The following UNC5D variants were observed in gnomAD, a reference collection of about 807,000 sequenced individuals.
UNC5D encodes netrin receptor UNC5D.
Under a neutral mutation model 105.4 loss-of-function variants are expected in UNC5D, and 39 were observed. That is an observed-to-expected ratio of 0.37 (90% CI 0.29 to 0.48). UNC5D has a LOEUF of 0.48. Ranked by LOEUF, UNC5D falls within the 20% of genes least tolerant of loss-of-function variation. UNC5D has a pLI of 0.98. For missense variants in UNC5D, 991 were observed against 1,202.4 expected, an observed-to-expected ratio of 0.82 and a Z score of 2.60; for synonymous variants, 452 against 450.4, an observed-to-expected ratio of 1.00 and a Z score of -0.04.
intron 2 of UNC5D, among the ~76,000 whole-genome samples, chr8:35,554,240 G>A (rs6989128): frequency 0.23 from 34,648 of 152,122 alleles, 6,077 homozygotes; most frequent in African/African-American, 0.48. Flanking sequence ...AATAAGAAAA[G>A]AGATTGTGTG....
rs117186567 is a variant in UNC5D at position 35,355,098 on chromosome 8, A to G, written c.103+119211A>G. On this transcript the variant is annotated intron_variant, in intron 1 of 16. Coordinates refer to ENST00000404895, the MANE Select transcript of UNC5D (RefSeq NM_080872.4). ...TCCCTTTCTCCATATTCTATTGGTT[A>G]GTGCAGTTACAGAGTCTACCCAGAT... Among the ~76,000 whole-genome samples, 39 of 152,270 alleles carry G rather than the reference A, an allele frequency of 2.6e-4. No homozygotes were observed. In the East Asian group the frequency reaches 5.8e-3, roughly 23 times the overall value.
At chr8:35,533,399 C>T (rs1336374691) in intron 1 of UNC5D, among the ~76,000 whole-genome samples, 3 of 152,042 alleles carry the variant, frequency 2.0e-5, no homozygotes, top group East Asian at 1.9e-4. Flanking sequence ...AGGCAGTCTG[C>T]CAGTTCTCAG....
At chr8:35,689,085 G>C (rs1586441207) in intron 7 of UNC5D, among the ~76,000 whole-genome samples, 1 of 152,164 alleles carries the variant, frequency 6.6e-6, no homozygotes, top group Non-Finnish European at 1.5e-5. Context: ...TTGGCTACTG[G>C]TTGAAATTTT....
chr8:35,640,919 C>T (rs988972600), intron 4 of UNC5D, among the ~76,000 whole-genome samples: 1 of 151,958 alleles, frequency 6.6e-6, no homozygotes, highest in African/African-American at 2.4e-5. Flanking sequence ...TCCTCTTCCT[C>T]CTCCTCTCCT....
At chr8:35,656,755 T>A (rs1398361646) in intron 4 of UNC5D, among the ~76,000 whole-genome samples, 4 of 152,080 alleles carry the variant, frequency 2.6e-5, no homozygotes, top group Non-Finnish European at 5.9e-5. Flanking sequence ...GTGTAAAGTA[T>A]CTACTCTAGG....
chr8:35,767,082 A>C lies in UNC5D; in HGVS notation c.2478+16A>C. 6.3e-7 allele frequency: 1 copy of C among 1,597,232 alleles called. No individual in the cohort carries two copies. Among genetic ancestry groups the C allele is most frequent in the Non-Finnish European group, 8.5e-7 (1 of 1,169,774 alleles). ...AATCCTAGAGGTGAGTCCTTGATCT[A>C]CAGGTCATTTGACCCCCTTTCTGAA... On this transcript the variant is annotated intron_variant, in intron 15 of 16. Coordinates refer to ENST00000404895, the MANE Select transcript of UNC5D (RefSeq NM_080872.4).
intron 1 of UNC5D, among the ~76,000 whole-genome samples, chr8:35,393,125 CTTTTTTT>C (rs34886215): frequency 1.3e-5 from 1 of 75,098 alleles, no homozygotes; most frequent in Non-Finnish European, 2.6e-5. Flanking sequence ...CCTATTCCTA[CTTTTTTT>C]TTTTTTTTTT....
intron 1 of UNC5D, among the ~76,000 whole-genome samples, chr8:35,402,584 T>G (rs999686647): frequency 1.3e-5 from 2 of 152,158 alleles, no homozygotes; most frequent in African/African-American, 2.4e-5. Flanking sequence ...AATGTCCACA[T>G]AATCCATGTT....
intron 1 of UNC5D, among the ~76,000 whole-genome samples, chr8:35,402,760 T>A (rs1563382710): frequency 6.6e-6 from 1 of 152,168 alleles, no homozygotes; most frequent in Non-Finnish European, 1.5e-5. Context: ...CCATCCTTAC[T>A]AACCTTAGCA....
At chr8:35,376,554 G>A (rs2128928893) in intron 1 of UNC5D, among the ~76,000 whole-genome samples, 1 of 152,266 alleles carries the variant, frequency 6.6e-6, no homozygotes, top group East Asian at 1.9e-4. Flanking sequence ...GAATGGAGGA[G>A]CAGATGCCTT....
rs57660135 is a variant in UNC5D at position 35,719,141 on chromosome 8, TACACACACACACACAC to T, written c.1118-3038_1118-3023del. On this transcript the variant is annotated intron_variant, in intron 8 of 16. Coordinates refer to ENST00000404895, the MANE Select transcript of UNC5D (RefSeq NM_080872.4). The stretch of plus-strand genomic sequence containing the variant: ...CACTGCTTACATGCACATGTGCTTA[TACACACACACACACAC>T]ACACACACACACACACACACACACA... 7.5e-3 allele frequency among the ~76,000 whole-genome samples: 1,003 copies of T among 133,168 alleles called. 5 individuals carry two copies. The highest frequency in any genetic ancestry group is 0.025 in the African/African-American group (905 of 36,718). The allele number at this position is 133,168 out of a possible 152,430, so 87.4% of individuals were successfully genotyped here.
At chr8:35,460,111 G>T (rs189505158) in intron 1 of UNC5D, among the ~76,000 whole-genome samples, 1 of 152,100 alleles carries the variant, frequency 6.6e-6, no homozygotes, top group African/African-American at 2.4e-5. Context: ...TTTTACATAC[G>T]CAAACTCCAA....
At chr8:35,668,865 A>AATT (rs1264610364) in intron 4 of UNC5D, among the ~76,000 whole-genome samples, 1 of 152,102 alleles carries the variant, frequency 6.6e-6, no homozygotes, top group African/African-American at 2.4e-5. Context: ...CTACAGTGAT[A>AATT]ATTTTCAGTA....
intron 7 of UNC5D, among the ~76,000 whole-genome samples, chr8:35,692,627 TG>T (rs1388949193): frequency 6.6e-6 from 1 of 152,202 alleles, no homozygotes; most frequent in African/African-American, 2.4e-5. Flanking sequence ...CTAGACTTTT[TG>T]TTGGACAAGT....
At chr8:35,752,057 A>G (rs1830306968) in intron 13 of UNC5D, among the ~76,000 whole-genome samples, 1 of 152,198 alleles carries the variant, frequency 6.6e-6, no homozygotes, top group Non-Finnish European at 1.5e-5. Flanking sequence ...CATACCTATC[A>G]CAAGGTAGTC....
At chr8:35,329,357 T>C (rs1430836148) in intron 1 of UNC5D, among the ~76,000 whole-genome samples, 6 of 151,230 alleles carry the variant, frequency 4.0e-5, no homozygotes, top group Non-Finnish European at 7.4e-5. Flanking sequence ...ATAAAACTAA[T>C]GTAGGTAGAG....
chr8:35,744,145 C>G (rs1829894553), intron 11 of UNC5D, among the ~76,000 whole-genome samples: 1 of 152,166 alleles, frequency 6.6e-6, no homozygotes, highest in African/African-American at 2.4e-5. Flanking sequence ...CTGAGCTTGT[C>G]TAATGGTTCC....
chr8:35,248,985 A>AAT (rs375928321), intron 1 of UNC5D, among the ~76,000 whole-genome samples: 32,124 of 89,612 alleles, frequency 0.36, 6,482 homozygotes, highest in Non-Finnish European at 0.42. Flanking sequence ...ATTTTTATAT[A>AAT]ATATATTATA....
At chr8:35,344,130 T>C (rs566904878) in intron 1 of UNC5D, among the ~76,000 whole-genome samples, 22 of 152,208 alleles carry the variant, frequency 1.4e-4, no homozygotes, top group Admixed American at 9.2e-4. Context: ...GTTTCTGTTT[T>C]CTTGTAAGCA....
Sources: gnomAD v4.1 joint callset for allele counts (sites outside exome capture counted in the v4.1 genomes callset) on GRCh38, gnomAD v4.1.1 for gene constraint, MANE v1.5 for transcripts, NCBI Gene and HGNC (gene_info 2026-07-23, HGNC 2026-07-21) for gene names.